The following NCAM2 variants were observed in gnomAD, a reference collection of about 807,000 sequenced individuals.
The protein encoded by NCAM2 is neural cell adhesion molecule 2, also known as N-CAM-2.
NCAM2 carries 30 observed loss-of-function variants against 98.1 expected under a neutral mutation model. The ratio of observed to expected loss-of-function variants is 0.31; its 90% CI spans 0.23 to 0.41. NCAM2 has a LOEUF of 0.41. Among genes scored for constraint, NCAM2 ranks in the 10% least tolerant of loss-of-function variants. The pLI, the probability that NCAM2 is intolerant of heterozygous loss-of-function variation, is 1.00. For missense variants in NCAM2, 867 were observed against 1,005.8 expected (o/e 0.86, Z 1.87); for synonymous variants, 368 against 342.4 (o/e 1.07, Z -0.83).
intron 1 of NCAM2, among the ~76,000 whole-genome samples, chr21:21,235,860 A>G (rs1482895553): frequency 3.3e-5 from 5 of 152,034 alleles, no homozygotes; most frequent in African/African-American, 1.2e-4. Flanking sequence ...CCCTTGTTAT[A>G]TGTCCTCAGA....
intron 1 of NCAM2, among the ~76,000 whole-genome samples, chr21:21,073,899 G>A (rs1052223013): frequency 3.9e-5 from 6 of 152,102 alleles, no homozygotes; most frequent in East Asian, 1.9e-4. Context: ...TACAGAAGAC[G>A]AACCTGAGAC....
intron 1 of NCAM2, among the ~76,000 whole-genome samples, chr21:21,088,456 A>C (rs1450721518): frequency 6.6e-6 from 1 of 152,204 alleles, no homozygotes; most frequent in Admixed American, 6.5e-5. Flanking sequence ...CATTACATCT[A>C]GTGAGAATGA....
chr21:21,145,142 C>G (rs560662148), intron 1 of NCAM2, among the ~76,000 whole-genome samples: 1 of 151,976 alleles, frequency 6.6e-6, no homozygotes, highest in Non-Finnish European at 1.5e-5. Flanking sequence ...TTCATGGTTT[C>G]TTACCATTTA....
intron 1 of NCAM2, among the ~76,000 whole-genome samples, chr21:21,166,448 C>T (rs1048560786): frequency 1.3e-5 from 2 of 152,222 alleles, no homozygotes; most frequent in South Asian, 2.1e-4. Flanking sequence ...CCTCGTGATC[C>T]ATCTGCCTCA....
chr21:21,294,138 T>C (rs1468757248), intron 5 of NCAM2, among the ~76,000 whole-genome samples: 1 of 151,674 alleles, frequency 6.6e-6, no homozygotes, highest in East Asian at 1.9e-4. Context: ...CCGCAATTAT[T>C]TTTGCACCAA....
At chr21:21,480,763 A>G (rs1041497949) in intron 15 of NCAM2, among the ~76,000 whole-genome samples, 1 of 152,222 alleles carries the variant, frequency 6.6e-6, no homozygotes, top group African/African-American at 2.4e-5. Flanking sequence ...AAAATAAAAG[A>G]ACGAAAAATT....
chr21:21,264,431 G>T (rs996105224), intron 1 of NCAM2, among the ~76,000 whole-genome samples: 1 of 151,944 alleles, frequency 6.6e-6, no homozygotes, highest in Non-Finnish European at 1.5e-5. Flanking sequence ...ATAGAAAACA[G>T]TCTGGAGATT....
At chr21:21,234,042 G>T (rs2070728222) in intron 1 of NCAM2, among the ~76,000 whole-genome samples, 1 of 151,710 alleles carries the variant, frequency 6.6e-6, no homozygotes, top group Admixed American at 6.6e-5. Flanking sequence ...GTGCTCAATT[G>T]TCATATACTC....
chr21:21,056,262 C>T (rs8132873), intron 1 of NCAM2, among the ~76,000 whole-genome samples: 6,806 of 152,034 alleles, frequency 0.045, 206 homozygotes, highest in African/African-American at 0.075. Flanking sequence ...CTTTGATTAA[C>T]AGTGTGTATT....
chr21:21,031,223 G>C (rs1486274294), intron 1 of NCAM2, among the ~76,000 whole-genome samples: 1 of 151,964 alleles, frequency 6.6e-6, no homozygotes, highest in African/African-American at 2.4e-5. Context: ...TTTATGTTTT[G>C]GCCATTTTAA....
chr21:21,381,625 A>G (rs1055792706), intron 9 of NCAM2, among the ~76,000 whole-genome samples: 24 of 152,174 alleles, frequency 1.6e-4, no homozygotes, highest in African/African-American at 5.8e-4. Flanking sequence ...AAAATGTGAA[A>G]CATTGCAACC....
chr21:21,492,515 A>T (rs1235714689), intron 15 of NCAM2, among the ~76,000 whole-genome samples: 1 of 151,964 alleles, frequency 6.6e-6, no homozygotes, highest in East Asian at 1.9e-4. Flanking sequence ...TTATGGTTTT[A>T]AATGAATATC....
At chr21:21,247,668 C>G (rs1370427404) in intron 1 of NCAM2, among the ~76,000 whole-genome samples, 2 of 152,116 alleles carry the variant, frequency 1.3e-5, no homozygotes, top group Non-Finnish European at 2.9e-5. Flanking sequence ...AGTCATATTT[C>G]TATGTAATTA....
intron 1 of NCAM2, among the ~76,000 whole-genome samples, chr21:21,068,148 T>G (rs1046233324): frequency 1.4e-5 from 2 of 147,020 alleles, no homozygotes; most frequent in African/African-American, 5.0e-5. Flanking sequence ...TTTTTTTTTT[T>G]TTTTTTGAGA....
chr21:21,445,232 T>C (rs1038269292), intron 12 of NCAM2, among the ~76,000 whole-genome samples: 3 of 152,162 alleles, frequency 2.0e-5, no homozygotes, highest in African/African-American at 7.2e-5. Flanking sequence ...TTGCATTTGC[T>C]GAAGATTGTT....
intron 1 of NCAM2, among the ~76,000 whole-genome samples, chr21:21,047,524 T>C (rs2065026545): frequency 6.6e-6 from 1 of 152,132 alleles, no homozygotes; most frequent in Non-Finnish European, 1.5e-5. Flanking sequence ...TGATGAGACT[T>C]AAGGAAAGAT....
chr21:21,236,321 G>T (rs569648467), intron 1 of NCAM2, among the ~76,000 whole-genome samples: 1 of 152,076 alleles, frequency 6.6e-6, no homozygotes, highest in South Asian at 2.1e-4. Context: ...ATTCTCCATG[G>T]TGGAGAATTC....
chr21:21,329,989 TTC>T (rs1568940463), intron 6 of NCAM2, among the ~76,000 whole-genome samples: 1 of 152,110 alleles, frequency 6.6e-6, no homozygotes, highest in Non-Finnish European at 1.5e-5. Flanking sequence ...TTCTGTAGTA[TTC>T]TCCCCTCTCT....
At chr21:21,270,373 C>G (rs781211611) in intron 1 of NCAM2, among the ~76,000 whole-genome samples, 2 of 152,116 alleles carry the variant, frequency 1.3e-5, no homozygotes, top group African/African-American at 2.4e-5. Context: ...AGACAACGTT[C>G]CCCAGCCTAA....
Sources: allele counts gnomAD v4.1 joint callset (sites outside exome capture counted in the v4.1 genomes callset), GRCh38; gene constraint gnomAD v4.1.1; transcripts MANE v1.5; gene names NCBI Gene and HGNC (gene_info 2026-07-23, HGNC 2026-07-21).